The following MTHFS variants were observed in gnomAD, a reference collection of about 807,000 sequenced individuals.
MTHFS encodes 5-formyltetrahydrofolate cyclo-ligase.
MTHFS carries 7 observed loss-of-function variants against 12.7 expected under a neutral mutation model. The ratio of observed to expected loss-of-function variants is 0.55; its 90% CI spans 0.31 to 1.03. MTHFS has a LOEUF of 1.03. Among genes scored for constraint, MTHFS ranks in the 50% least tolerant of loss-of-function variants. The pLI is 0.05. For synonymous variants in MTHFS, 100 were observed against 97.1 expected (o/e 1.03, Z -0.18); for missense variants, 252 against 258.1 (o/e 0.98, Z 0.16).
rs183762611 is a variant in MTHFS at position 79,894,247 on chromosome 15, G to A, written c.117+2625C>T. On this transcript the variant is annotated intron_variant, in intron 1 of 2. Coordinates refer to ENST00000258874, the MANE Select transcript of MTHFS (RefSeq NM_006441.4). Reference sequence around the variant, plus strand: ...AATAGAAAAATTAGCTGAGCATGGCGGCACGTGCCTGTAATCCCAGCTACT... The same window carrying A: ...AATAGAAAAATTAGCTGAGCATGGCAGCACGTGCCTGTAATCCCAGCTACT... Among the ~76,000 whole-genome samples, 156 of 152,190 alleles carry A rather than the reference G, an allele frequency of 1.0e-3. 1 individual carries two copies. The highest frequency in any genetic ancestry group is 2.6e-3 in the Admixed American group (40 of 15,282).
chr15:79,847,648 C>T lies in MTHFS; in HGVS notation c.380-2206G>A, dbSNP rs934321982. ...TTGCGCCACTGCACTCCAGCCTGGG[C>T]GACAGAGTGAGACTCCGTCTCAAAA... On this transcript the variant is annotated intron_variant, in intron 2 of 2. Transcript: ENST00000258874. Among the ~76,000 whole-genome samples, 18 of 123,360 alleles carry T rather than the reference C, an allele frequency of 1.5e-4. No individual in the cohort carries two copies. The East Asian group carries it at 3.2e-3, about 22-fold the overall frequency. 80.9% of individuals were successfully genotyped at this position (123,360 alleles called of 152,430 possible). A position where few individuals can be genotyped will look rare whatever the true frequency, so the allele number is the denominator to read the frequency against.
At chr15:79,892,526 G>A (rs1375262077) in intron 1 of MTHFS, among the ~76,000 whole-genome samples, 3 of 152,120 alleles carry the variant, frequency 2.0e-5, no homozygotes, top group South Asian at 2.1e-4. Flanking sequence ...CAATTATGGG[G>A]GAAAAGAGAA....
At chr15:79,855,082 T>C (rs1258243153) in intron 2 of MTHFS, among the ~76,000 whole-genome samples, 2 of 152,124 alleles carry the variant, frequency 1.3e-5, no homozygotes, top group Non-Finnish European at 2.9e-5. Context: ...CAACAGACAC[T>C]GTATGGACTA....
At chr15:79,873,679 C>T (rs2034142838) in intron 2 of MTHFS, among the ~76,000 whole-genome samples, 1 of 152,182 alleles carries the variant, frequency 6.6e-6, no homozygotes, top group South Asian at 2.1e-4. Context: ...GTGAGGTTCC[C>T]AGGCCCCCAG....
intron 1 of MTHFS, among the ~76,000 whole-genome samples, chr15:79,893,301 G>A (rs1306509429): frequency 6.6e-6 from 1 of 151,650 alleles, no homozygotes; most frequent in African/African-American, 2.4e-5. Context: ...TACTTGGGAG[G>A]CTGAGGCACA....
At chr15:79,852,851 C>T (rs952923202) in intron 2 of MTHFS, among the ~76,000 whole-genome samples, 4 of 152,174 alleles carry the variant, frequency 2.6e-5, no homozygotes, top group Non-Finnish European at 4.4e-5. Context: ...GGGTTCAAGG[C>T]TTTCACTCAA....
At chr15:79,859,902 T>C (rs1317155157) in intron 2 of MTHFS, among the ~76,000 whole-genome samples, 2 of 151,862 alleles carry the variant, frequency 1.3e-5, no homozygotes, top group African/African-American at 4.8e-5. Context: ...ATTAAGACTT[T>C]AATATTTAAA....
At chr15:79,875,583 C>A (rs1199953758) in intron 2 of MTHFS, among the ~76,000 whole-genome samples, 1 of 152,100 alleles carries the variant, frequency 6.6e-6, no homozygotes, top group Non-Finnish European at 1.5e-5. Flanking sequence ...ACTCAAAATA[C>A]ATCAAAGACC....
chr15:79,867,535 A>C (rs56377157), intron 2 of MTHFS, among the ~76,000 whole-genome samples: 273 of 152,182 alleles, frequency 1.8e-3, no homozygotes, highest in Non-Finnish European at 3.5e-3. Flanking sequence ...TGTTATAACT[A>C]TCAAATTCTG....
At chr15:79,865,482 A>G (rs1365974606) in intron 2 of MTHFS, among the ~76,000 whole-genome samples, 1 of 152,240 alleles carries the variant, frequency 6.6e-6, no homozygotes, top group Non-Finnish European at 1.5e-5. Context: ...GCCGGAAGGA[A>G]ACCAGTGTGG....
intron 1 of MTHFS, among the ~76,000 whole-genome samples, chr15:79,892,133 C>A (rs1174586583): frequency 6.6e-6 from 1 of 151,924 alleles, no homozygotes; most frequent in Non-Finnish European, 1.5e-5. Context: ...TAAAAGTTTA[C>A]CACCCCCAAA....
chr15:79,863,953 C>A (rs764687661), intron 2 of MTHFS, among the ~76,000 whole-genome samples: 2 of 152,228 alleles, frequency 1.3e-5, no homozygotes, highest in Non-Finnish European at 2.9e-5. Context: ...AGCATGCCCT[C>A]CTTTTACTCG....
chr15:79,895,353 C>T (rs1459159995), intron 1 of MTHFS, among the ~76,000 whole-genome samples: 1 of 152,188 alleles, frequency 6.6e-6, no homozygotes, highest in Non-Finnish European at 1.5e-5. Flanking sequence ...CCAATTTCCC[C>T]TCCCCAAGGC....
intron 2 of MTHFS, among the ~76,000 whole-genome samples, chr15:79,872,103 CAA>C (rs58835744): frequency 0.022 from 1,461 of 66,646 alleles, 41 homozygotes; most frequent in East Asian, 0.22. Flanking sequence ...GACTCCGTCT[CAA>C]AAAAAAAAAA....
chr15:79,862,929 A>C (rs1037927733), intron 2 of MTHFS, among the ~76,000 whole-genome samples: 1 of 152,170 alleles, frequency 6.6e-6, no homozygotes, highest in African/African-American at 2.4e-5. Flanking sequence ...GCAAGTCCTG[A>C]ATCAATATCT....
chr15:79,897,038 C>CG (rs557076185), upstream of MTHFS: 977 of 1,480,240 alleles, frequency 6.6e-4, 8 homozygotes, highest in African/African-American at 0.013. Context: ...TGGGCGCCCT[C>CG]GGGTTCGGTC....
intron 1 of MTHFS, among the ~76,000 whole-genome samples, chr15:79,889,956 A>G (rs1055004303): frequency 6.6e-6 from 1 of 152,140 alleles, no homozygotes; most frequent in Non-Finnish European, 1.5e-5. Context: ...TAACCGGTCC[A>G]TGAACTGAGT....
At chr15:79,880,372 G>A (rs751960551) in intron 2 of MTHFS, among the ~76,000 whole-genome samples, 2 of 151,956 alleles carry the variant, frequency 1.3e-5, no homozygotes, top group Non-Finnish European at 2.9e-5. Context: ...GAGCCACTGC[G>A]CCCGGCCTCT....
chr15:79,847,528 C>A (rs911856763), intron 2 of MTHFS, among the ~76,000 whole-genome samples: 1 of 151,846 alleles, frequency 6.6e-6, no homozygotes, highest in East Asian at 1.9e-4. Flanking sequence ...ACTAAAAATA[C>A]AAAATATTAG....
Sources: gnomAD v4.1 joint callset for allele counts (sites outside exome capture counted in the v4.1 genomes callset) on GRCh38, gnomAD v4.1.1 for gene constraint, MANE v1.5 for transcripts, NCBI Gene and HGNC (gene_info 2026-07-23, HGNC 2026-07-21) for gene names.